The following KIRREL3 variants were observed in gnomAD, a reference collection of about 807,000 sequenced individuals.
KIRREL3 encodes kirre like nephrin family adhesion molecule 3, also known as kin of IRRE-like protein 3.
A neutral mutation model predicts 89.7 loss-of-function variants in KIRREL3; 36 were observed. The ratio of observed to expected loss-of-function variants is 0.40; its 90% CI spans 0.31 to 0.53. The LOEUF is 0.53. Ranked by LOEUF, KIRREL3 falls within the 20% of genes least tolerant of loss-of-function variation. The pLI is 0.49. For missense variants in KIRREL3, 864 were observed against 1,056.6 expected, an observed-to-expected ratio of 0.82 and a Z score of 2.53; for synonymous variants, 445 against 441.4, an observed-to-expected ratio of 1.01 and a Z score of -0.10.
At position 126,985,878 on chromosome 11, in the gene KIRREL3, C is replaced by T. The variant is rs889546500; in HGVS notation, c.55+14577G>A. ...GAGTATAAGGCATGTGCCTTCATGA[C>T]CCCCCTACTGGATGGGAGAGAGTTA... On this transcript the variant is annotated intron_variant, in intron 1 of 16. Transcript: ENST00000525144. The surrounding 1 kb of genome is among the most constrained non-coding windows in gnomAD (Gnocchi z 5.3). 6.6e-6 allele frequency among the ~76,000 whole-genome samples: 1 copy of T among 152,132 alleles called. No homozygotes were observed. Among genetic ancestry groups the T allele is most frequent in the Non-Finnish European group, 1.5e-5 (1 of 68,010 alleles).
At chr11:126,616,079 G>A (rs571893165) in intron 1 of KIRREL3, among the ~76,000 whole-genome samples, 3 of 152,288 alleles carry the variant, frequency 2.0e-5, no homozygotes, top group South Asian at 4.2e-4. Context: ...CCGAGCATAC[G>A]TGGCAGAGGG....
intron 1 of KIRREL3, among the ~76,000 whole-genome samples, chr11:126,913,130 G>A (rs139985856): frequency 6.6e-6 from 1 of 152,352 alleles, no homozygotes; most frequent in Non-Finnish European, 1.5e-5. Context: ...GGACAGTTGA[G>A]CACACATCAT....
rs1300960273 is a variant in KIRREL3 at position 126,501,113 on chromosome 11, GAGGCAGGATATCTCCAGTGCA to G, written c.433+20181_433+20201del. 1.3e-5 allele frequency among the ~76,000 whole-genome samples: 2 copies of G among 152,142 alleles called. No homozygotes were observed. Among genetic ancestry groups the G allele is most frequent in the East Asian group, 3.9e-4 (2 of 5,176 alleles). On this transcript the variant is annotated intron_variant, in intron 4 of 16. Coordinates refer to ENST00000525144, the MANE Select transcript of KIRREL3 (RefSeq NM_032531.4). The surrounding 1 kb of genome is among the most constrained non-coding windows in gnomAD (Gnocchi z 5.8). The stretch of plus-strand genomic sequence containing the variant: ...CATTTCCTTGCTGTGAGCCTTGTGC[GAGGCAGGATATCTCCAGTGCA>G]AGGACACTACTGGTGGACAGCTGGT...
chr11:126,487,126 T>G (rs578207580), intron 4 of KIRREL3, among the ~76,000 whole-genome samples: 8 of 152,168 alleles, frequency 5.3e-5, no homozygotes, highest in Non-Finnish European at 1.0e-4. Context: ...GCACAAGACA[T>G]TCCAGTAGCT....
chr11:126,464,535 GAAGAAGAAA>G (rs1476201911), intron 5 of KIRREL3, among the ~76,000 whole-genome samples: 3 of 86,396 alleles, frequency 3.5e-5, no homozygotes, highest in South Asian at 4.4e-4. Context: ...TGCCTCAGAA[GAAGAAGAAA>G]AAGAAAAAGA....
rs147904675 is a variant in KIRREL3 at position 126,791,824 on chromosome 11, G to A, written c.55+208631C>T. Among the ~76,000 whole-genome samples the A allele has an allele frequency of 1.7e-3, 260 of 152,302 alleles. No individual in the cohort carries two copies. Among genetic ancestry groups the A allele is most frequent in the African/African-American group, 6.1e-3 (252 of 41,576 alleles). On this transcript the variant is annotated intron_variant, in intron 1 of 16. Transcript: ENST00000525144. The surrounding 1 kb of genome is among the most constrained non-coding windows in gnomAD (Gnocchi z 4.8). Reference sequence around the variant, plus strand: ...TAGCAGGTGGAGGGACAGTTGTGGGGCTGTAGGGGCGGTTTCTCAGAGTGT... The same window carrying A: ...TAGCAGGTGGAGGGACAGTTGTGGGACTGTAGGGGCGGTTTCTCAGAGTGT...
chr11:126,448,487 G>A (rs1011299975), intron 8 of KIRREL3, among the ~76,000 whole-genome samples: 2 of 152,076 alleles, frequency 1.3e-5, no homozygotes, highest in African/African-American at 4.8e-5. Context: ...GATGGCCTGC[G>A]TGCTTGTGTC....
At chr11:126,926,121 G>A (rs1044203099) in intron 1 of KIRREL3, among the ~76,000 whole-genome samples, 2 of 152,192 alleles carry the variant, frequency 1.3e-5, no homozygotes, top group Non-Finnish European at 2.9e-5. Context: ...CTCCAGGAGT[G>A]GAGGAGATGA....
In KIRREL3 at chr11:126,946,966, G is replaced by A. The variant is rs1429111366; in HGVS notation, c.55+53489C>T. The stretch of plus-strand genomic sequence containing the variant: ...AAATAACTTCCTAGGCACACTGCTT[G>A]CAAATGGCAGAAAGAACCAGAAATC... On this transcript the variant is annotated intron_variant, in intron 1 of 16. Coordinates refer to ENST00000525144, the MANE Select transcript of KIRREL3 (RefSeq NM_032531.4). This position sits in a 1 kb window ranked among gnomAD's most constrained non-coding sequence, Gnocchi z 4.1. Among the ~76,000 whole-genome samples the A allele has an allele frequency of 1.3e-5, 2 of 152,116 alleles. No homozygotes were observed. Among genetic ancestry groups the A allele is most frequent in the Non-Finnish European group, 2.9e-5 (2 of 68,026 alleles).
In KIRREL3 at chr11:126,795,188, C is replaced by T. The variant is rs1841330607; in HGVS notation, c.55+205267G>A. On this transcript the variant is annotated intron_variant, in intron 1 of 16. Transcript: ENST00000525144. The surrounding 1 kb of genome is among the most constrained non-coding windows in gnomAD (Gnocchi z 4.1). ...ACATGTCATCACACATTTGGCCAAG[C>T]CCATAGAGTGTACAGCATACAGAAT... 6.6e-6 allele frequency among the ~76,000 whole-genome samples: 1 copy of T among 152,066 alleles called. No individual in the cohort carries two copies. Among genetic ancestry groups the T allele is most frequent in the African/African-American group, 2.4e-5 (1 of 41,396 alleles).
At chr11:126,846,255 C>A (rs1024599603) in intron 1 of KIRREL3, among the ~76,000 whole-genome samples, 5 of 151,906 alleles carry the variant, frequency 3.3e-5, no homozygotes, top group Non-Finnish European at 7.4e-5. Flanking sequence ...CTTATTAGGC[C>A]CTAGAAACTT....
rs112284199 is a variant in KIRREL3 at position 126,622,086 on chromosome 11, C to A, written c.56-59174G>T. 2.2e-4 allele frequency among the ~76,000 whole-genome samples: 33 copies of A among 152,176 alleles called. No individual in the cohort carries two copies. The highest frequency in any genetic ancestry group is 8.0e-4 in the African/African-American group (33 of 41,508). On this transcript the variant is annotated intron_variant, in intron 1 of 16. Transcript: ENST00000525144. The surrounding 1 kb of genome is among the most constrained non-coding windows in gnomAD (Gnocchi z 5.2). ...GGTGGGTGTGGTAATGGGGCATTGCCACAGATTAGGTATCTCATTTGTGTC... is the reference window on the plus strand; with the variant it reads ...GGTGGGTGTGGTAATGGGGCATTGCAACAGATTAGGTATCTCATTTGTGTC...
At position 126,641,878 on chromosome 11, in the gene KIRREL3, G is replaced by T. The variant is rs1944485887; in HGVS notation, c.56-78966C>A. On this transcript the variant is annotated intron_variant, in intron 1 of 16. Coordinates refer to ENST00000525144, the MANE Select transcript of KIRREL3 (RefSeq NM_032531.4). This position sits in a 1 kb window ranked among gnomAD's most constrained non-coding sequence, Gnocchi z 5.0. Reference sequence around the variant, plus strand: ...CACCACAGTCCCCTTGCTTACATGTGCACATCCTCAACTTCCACTCTTTCT... The same window carrying T: ...CACCACAGTCCCCTTGCTTACATGTTCACATCCTCAACTTCCACTCTTTCT... Among the ~76,000 whole-genome samples, 1 of 152,098 alleles carries T rather than the reference G, an allele frequency of 6.6e-6. No homozygotes were observed. Among genetic ancestry groups the T allele is most frequent in the African/African-American group, 2.4e-5 (1 of 41,390 alleles).
At chr11:126,603,871 A>G (rs1183233674) in intron 1 of KIRREL3, among the ~76,000 whole-genome samples, 1 of 151,986 alleles carries the variant, frequency 6.6e-6, no homozygotes, top group Non-Finnish European at 1.5e-5. Flanking sequence ...AAGGCTTTTT[A>G]CCCATGTCTC....
In KIRREL3 at chr11:126,486,406, CTT is replaced by C. The variant is rs1591619675; in HGVS notation, c.434-12942_434-12941del. On this transcript the variant is annotated intron_variant, in intron 4 of 16. Transcript: ENST00000525144. This position sits in a 1 kb window ranked among gnomAD's most constrained non-coding sequence, Gnocchi z 6.2. ...CCTCCCAGTCCTGCGGAGCGAGAGA[CTT>C]TCTCCTTTCTCCAGCCCAGCTCCTA... Among the ~76,000 whole-genome samples the C allele has an allele frequency of 6.6e-6, 1 of 152,220 alleles. No individual in the cohort carries two copies. The highest frequency in any genetic ancestry group is 1.9e-4 in the East Asian group (1 of 5,184).
At chr11:126,849,789 T>C (rs991591131) in intron 1 of KIRREL3, among the ~76,000 whole-genome samples, 5 of 152,116 alleles carry the variant, frequency 3.3e-5, no homozygotes, top group African/African-American at 1.2e-4. Context: ...AGGTGCGGCT[T>C]TTCCAATGGA....
chr11:126,583,968 C>T (rs631711), intron 1 of KIRREL3, among the ~76,000 whole-genome samples: 9 of 151,830 alleles, frequency 5.9e-5, no homozygotes, highest in African/African-American at 9.7e-5. Flanking sequence ...ATTTCCTCCG[C>T]GGCAACTATC....
intron 1 of KIRREL3, among the ~76,000 whole-genome samples, chr11:126,925,198 G>A (rs1379195527): frequency 6.6e-6 from 1 of 150,998 alleles, no homozygotes; most frequent in African/African-American, 2.4e-5. Flanking sequence ...ACACACCATT[G>A]CAACCCCCTG....
chr11:126,652,328 C>T lies in KIRREL3; in HGVS notation c.56-89416G>A, dbSNP rs1156426439. Among the ~76,000 whole-genome samples the T allele has an allele frequency of 2.0e-5, 3 of 152,110 alleles. No individual in the cohort carries two copies. Among genetic ancestry groups the T allele is most frequent in the African/African-American group, 7.2e-5 (3 of 41,420 alleles). ...TGATGGATATAAACCATCTTCTTTA[C>T]TTAGGGCACAAAGAAGAACCAAGAC... On this transcript the variant is annotated intron_variant, in intron 1 of 16. Transcript: ENST00000525144. This position sits in a 1 kb window ranked among gnomAD's most constrained non-coding sequence, Gnocchi z 4.9.
Sources: allele counts gnomAD v4.1 joint callset (sites outside exome capture counted in the v4.1 genomes callset), GRCh38; gene constraint gnomAD v4.1.1; non-coding constraint Gnocchi (gnomAD v3.1); transcripts MANE v1.5; gene names NCBI Gene and HGNC (gene_info 2026-07-23, HGNC 2026-07-21).